TANGO6: variants seen among roughly 807,000 people sequenced by gnomAD.
TANGO6 encodes the protein transport and golgi organization 6 homolog.
In TANGO6, 90 loss-of-function variants were observed where a neutral mutation model predicts 114.2. The ratio of observed to expected loss-of-function variants is 0.79; its 90% CI spans 0.66 to 0.94. TANGO6 has a LOEUF of 0.94. TANGO6 is among the 40% of genes least tolerant of loss of function. The pLI is 0.00. For missense variants in TANGO6, 1,274 were observed against 1,315.3 expected, an observed-to-expected ratio of 0.97 and a Z score of 0.49; for synonymous variants, 477 against 509.8, an observed-to-expected ratio of 0.94 and a Z score of 0.87.
chr16:68,870,285 G>A (rs1195040662), intron 4 of TANGO6, among the ~76,000 whole-genome samples: 1 of 152,170 alleles, frequency 6.6e-6, no homozygotes, highest in Non-Finnish European at 1.5e-5. Flanking sequence ...AGAGCTAGAA[G>A]AATAAATCTT....
intron 11 of TANGO6, among the ~76,000 whole-genome samples, chr16:68,913,361 G>C (rs1346645163): frequency 6.6e-6 from 1 of 151,500 alleles, no homozygotes; most frequent in Admixed American, 6.6e-5. Flanking sequence ...TCTGCATGTG[G>C]AGAAGCCAAG....
chr16:68,919,889 T>TA (rs201525390), intron 12 of TANGO6, among the ~76,000 whole-genome samples: 12,411 of 151,454 alleles, frequency 0.082, 565 homozygotes, highest in African/African-American at 0.12. Context: ...TAAAAATATT[T>TA]AAAAAAAATT....
chr16:69,023,103 G>C, intron 16 of TANGO6, 124 bp downstream of exon 16: 3 of 1,028,060 alleles, frequency 2.9e-6, no homozygotes, highest in Non-Finnish European at 2.7e-6. Context: ...CTGTGAGACA[G>C]GGCAAGTGAG....
chr16:68,880,525 A>G, intron 6 of TANGO6, 23 bp from the exon 7 acceptor site: 1 of 1,588,638 alleles, frequency 6.3e-7, no homozygotes, highest in South Asian at 1.1e-5. Flanking sequence ...AAATATGGGT[A>G]ATTTTGTGTG....
intron 17 of TANGO6, among the ~76,000 whole-genome samples, chr16:69,054,334 A>G (rs1414282991): frequency 1.3e-5 from 2 of 152,204 alleles, no homozygotes; most frequent in Non-Finnish European, 2.9e-5. Context: ...AGAGAGTAGT[A>G]GAAGAGGGCT....
intron 17 of TANGO6, among the ~76,000 whole-genome samples, chr16:69,078,503 T>A (rs1960421133): frequency 6.6e-6 from 1 of 152,166 alleles, no homozygotes; most frequent in South Asian, 2.1e-4. Context: ...TGAACTTTCC[T>A]ATTCCTAAAA....
chr16:69,060,729 C>T (rs1041176859), intron 17 of TANGO6, among the ~76,000 whole-genome samples: 2 of 152,158 alleles, frequency 1.3e-5, no homozygotes, highest in Non-Finnish European at 2.9e-5. Flanking sequence ...CATGGTGGCT[C>T]ACACCTGTAA....
rs528959370 is a variant in TANGO6 at position 69,003,181 on chromosome 16, T to C, written c.2843-19647T>C. Among the ~76,000 whole-genome samples the C allele has an allele frequency of 3.3e-5, 5 of 152,212 alleles. No homozygotes were observed. The East Asian group carries it at 9.6e-4, about 29-fold the overall frequency. On this transcript the variant is annotated intron_variant, in intron 15 of 17. Transcript: ENST00000261778. ...AAAACAAAAAAAGCCTTAACGAAGG[T>C]TATGATTTAACCATGGATGCACAAG... is the stretch of plus-strand genomic sequence containing the variant.
rs191671799 is a variant in TANGO6, at chr16:68,978,030, A to G, written c.2842+3862A>G. ...ACATTTTTTTCTAAGAAGAAAGATGAACTTTCTATATTTGCCTTAGTTCTG... is the reference window on the plus strand; with the variant it reads ...ACATTTTTTTCTAAGAAGAAAGATGGACTTTCTATATTTGCCTTAGTTCTG... On this transcript the variant is annotated intron_variant, in intron 15 of 17. Coordinates refer to ENST00000261778, the MANE Select transcript of TANGO6 (RefSeq NM_024562.2). Among the ~76,000 whole-genome samples the G allele has an allele frequency of 2.9e-3, 446 of 152,266 alleles. 2 individuals carry two copies. The highest frequency in any genetic ancestry group is 6.8e-3 in the Middle Eastern group (2 of 294).
intron 17 of TANGO6, among the ~76,000 whole-genome samples, chr16:69,080,997 GCGTGGTGGTGGGCAC>G (rs1960456741): frequency 6.6e-6 from 1 of 152,074 alleles, no homozygotes; most frequent in Admixed American, 6.6e-5. Context: ...AATTAGCCAG[GCGTGGTGGTGGGCAC>G]CTGTAGTCCC....
At chr16:68,931,739 G>C (rs1963242628) in intron 14 of TANGO6, among the ~76,000 whole-genome samples, 1 of 152,158 alleles carries the variant, frequency 6.6e-6, no homozygotes, top group African/African-American at 2.4e-5. Flanking sequence ...CCTAGGGCTG[G>C]GGTAAAGGAG....
At chr16:68,874,413 G>A (rs781593131) in intron 4 of TANGO6, among the ~76,000 whole-genome samples, 4 of 152,126 alleles carry the variant, frequency 2.6e-5, no homozygotes, top group Non-Finnish European at 5.9e-5. Flanking sequence ...GTTGTCCACT[G>A]TCTGGAAACC....
chr16:68,890,534 G>C (rs549732989), intron 7 of TANGO6, among the ~76,000 whole-genome samples: 1 of 152,350 alleles, frequency 6.6e-6, no homozygotes, highest in East Asian at 1.9e-4. Flanking sequence ...CAGCTACTCT[G>C]CAGTAGTCTC....
intron 15 of TANGO6, among the ~76,000 whole-genome samples, chr16:69,009,050 A>AC (rs939661379): frequency 6.6e-6 from 1 of 150,914 alleles, no homozygotes; most frequent in Non-Finnish European, 1.5e-5. Flanking sequence ...AACCAATTGA[A>AC]CATAAACAGG....
At chr16:68,957,802 A>T (rs1963548921) in intron 14 of TANGO6, among the ~76,000 whole-genome samples, 1 of 152,156 alleles carries the variant, frequency 6.6e-6, no homozygotes, top group Admixed American at 6.5e-5. Context: ...ATCTTCAGGG[A>T]ATGGGAAACA....
chr16:69,045,885 G>A (rs1379082599), intron 17 of TANGO6, among the ~76,000 whole-genome samples: 1 of 150,730 alleles, frequency 6.6e-6, no homozygotes, highest in Non-Finnish European at 1.5e-5. Context: ...CCAACATAGT[G>A]AAACCCCATC....
chr16:69,048,362 A>G (rs1341363192), intron 17 of TANGO6, among the ~76,000 whole-genome samples: 1 of 146,944 alleles, frequency 6.8e-6, no homozygotes, highest in Non-Finnish European at 1.5e-5. Flanking sequence ...TCTGCCTTTC[A>G]AAGTGCCAGG....
intron 16 of TANGO6, 149 bp from the exon 17 acceptor site, chr16:69,040,159 C>T: frequency 1.5e-6 from 1 of 656,488 alleles, no homozygotes; most frequent in East Asian, 2.8e-5. Flanking sequence ...CTAGATCTCA[C>T]CCTCTTTGTT....
intron 15 of TANGO6, among the ~76,000 whole-genome samples, chr16:68,990,176 G>A (rs902074970): frequency 2.6e-5 from 4 of 152,040 alleles, no homozygotes; most frequent in Non-Finnish European, 5.9e-5. Context: ...GAGATCACAG[G>A]CATGCACCAT....
Sources: gnomAD v4.1 joint callset for allele counts (sites outside exome capture counted in the v4.1 genomes callset) on GRCh38, gnomAD v4.1.1 for gene constraint, MANE v1.5 for transcripts, NCBI Gene and HGNC (gene_info 2026-07-23, HGNC 2026-07-21) for gene names.